Variants in MCF2L observed in about 807,000 individuals in gnomAD.
The protein encoded by MCF2L is guanine nucleotide exchange factor DBS.
A neutral mutation model predicts 153.4 loss-of-function variants in MCF2L; 97 were observed. The ratio of observed to expected loss-of-function variants is 0.63; its 90% confidence interval spans 0.54 to 0.75. The LOEUF (loss-of-function observed/expected upper bound fraction) is 0.75, where lower values mean the gene tolerates loss of function less well. Among genes scored for constraint, MCF2L ranks in the 30% least tolerant of loss-of-function variants. The probability of loss-of-function intolerance (pLI) is 0.00; values close to 1 mark genes in which losing one functional copy is unlikely to be tolerated. For missense variants in MCF2L, 1,347 were observed against 1,495.2 expected, an observed-to-expected ratio of 0.90 and a Z score of 1.64; for synonymous variants, 659 against 632.2, an observed-to-expected ratio of 1.04 and a Z score of -0.64.
At chr13:112,895,874 C>T (rs539412523) in intron 1 of MCF2L, among the ~76,000 whole-genome samples, 76 of 152,194 alleles carry the variant, frequency 5.0e-4, no homozygotes, top group Non-Finnish European at 4.6e-4. Flanking sequence ...CCGGTGTCCC[C>T]GATTTCACCG....
chr13:112,901,856 C>T (rs2081122479), intron 1 of MCF2L, among the ~76,000 whole-genome samples: 1 of 152,198 alleles, frequency 6.6e-6, no homozygotes, highest in Non-Finnish European at 1.5e-5. Flanking sequence ...ACCTGGAGAA[C>T]TAGGGACGTC....
At chr13:112,922,979 C>T (rs2081367675) in intron 2 of MCF2L, among the ~76,000 whole-genome samples, 1 of 152,194 alleles carries the variant, frequency 6.6e-6, no homozygotes, top group African/African-American at 2.4e-5. Context: ...AAATGCGGTG[C>T]CTCTTTATGT....
chr13:112,962,705 C>T (rs956181397), intron 2 of MCF2L, among the ~76,000 whole-genome samples: 24 of 152,208 alleles, frequency 1.6e-4, no homozygotes, highest in Non-Finnish European at 3.1e-4. Context: ...CTCCCGGGAC[C>T]TCCCCCCAGG....
intron 2 of MCF2L, among the ~76,000 whole-genome samples, chr13:112,930,303 T>C (rs1042797881): frequency 6.6e-6 from 1 of 152,184 alleles, no homozygotes; most frequent in African/African-American, 2.4e-5. Flanking sequence ...CAGTATGTCA[T>C]TCAGTAGATG....
intron 3 of MCF2L, chr13:113,026,872 C>T (rs754113519): frequency 6.1e-5 from 45 of 739,382 alleles, no homozygotes; most frequent in African/African-American, 1.9e-4. Flanking sequence ...TCCCCAGCGG[C>T]GGGCAGGAGA....
chr13:113,082,489 C>T lies in MCF2L; in HGVS notation c.1938C>T (p.Asn646=). The T allele has an allele frequency of 6.2e-7, 1 of 1,614,042 alleles. No homozygotes were observed. ...ACCTCCTGTCAACAGGCCTTCACAA[C>T]AAGAAGGATGTTTTGTTTGGAAACA... ...MAHLLSTGLH[N]KKDVLFGNME... The change falls in exon 17 of 30, where the codon AAC becomes AAT. Residue 646 remains asparagine (N), a synonymous_variant. Coordinates refer to ENST00000535094, the MANE Select transcript of MCF2L (RefSeq NM_001112732.3).
chr13:112,998,713 AGG>A (rs1251470937), intron 1 of MCF2L, among the ~76,000 whole-genome samples: 4 of 152,076 alleles, frequency 2.6e-5, no homozygotes, highest in African/African-American at 9.7e-5. Flanking sequence ...CGCCGATTGG[AGG>A]CCTCTGCTGT....
In MCF2L at chr13:113,088,605, C is replaced by T. The variant is rs149724257; in HGVS notation, c.2811C>T (p.Pro937=). 166 of 1,608,482 alleles carry T rather than the reference C, an allele frequency of 1.0e-4. 1 individual carries two copies. The highest frequency in any genetic ancestry group is 1.3e-4 in the Non-Finnish European group (153 of 1,179,876). ...CGCTGGAGCAGTCACAGAGCCTGCCCCTGCCGGCCCCGACCAGCACCAGGT... is the reference window on the plus strand; with the variant it reads ...CGCTGGAGCAGTCACAGAGCCTGCCTCTGCCGGCCCCGACCAGCACCAGGT... ...HRALEQSQSL[P]LPAPTSTSPS... Residue 937 remains proline (P), a synonymous_variant, in exon 25 of 30, where the codon CCC becomes CCT. Transcript: ENST00000535094.
intron 3 of MCF2L, among the ~76,000 whole-genome samples, chr13:113,030,355 A>C (rs1218689337): frequency 1.6e-5 from 2 of 123,268 alleles, no homozygotes; most frequent in Non-Finnish European, 3.2e-5. Context: ...GTGGACTCTC[A>C]GGTGTCCGCT....
At chr13:112,916,181 C>T (rs2081290167) in intron 2 of MCF2L, among the ~76,000 whole-genome samples, 1 of 152,208 alleles carries the variant, frequency 6.6e-6, no homozygotes, top group South Asian at 2.1e-4. Flanking sequence ...ATACTCTAGC[C>T]TGGGGACAGG....
At chr13:112,991,190 C>G (rs886194632) in intron 1 of MCF2L, among the ~76,000 whole-genome samples, 6 of 152,222 alleles carry the variant, frequency 3.9e-5, no homozygotes, top group Admixed American at 3.9e-4. Flanking sequence ...TCTGCGAAAT[C>G]CGGCCGCCTG....
upstream of MCF2L, among the ~76,000 whole-genome samples, chr13:112,966,324 T>G (rs990191549): frequency 7.2e-5 from 11 of 152,202 alleles, no homozygotes; most frequent in African/African-American, 1.2e-4. This position sits in a 1 kb window ranked among gnomAD's most constrained non-coding sequence, Gnocchi z 4.1. Context: ...CAGGGGCAGC[T>G]GGGGACTGGG....
At position 113,075,083 on chromosome 13, in the gene MCF2L, C is replaced by T. The variant is rs1234881787; in HGVS notation, c.1202C>T (p.Pro401Leu). The change falls in exon 11 of 30, where the codon CCA becomes CTA. Residue 401 changes from proline (P) to leucine (L), a missense_variant. Transcript: ENST00000535094. ...CACTACGCGGTAGACTCCATCCGCC[C>T]AAAGTGCCAGGAGCTCCGGCACCTC... ...NKHYAVDSIRPKCQELRHLCD... is the reference protein window; with the variant it reads ...NKHYAVDSIRLKCQELRHLCD... The T allele has an allele frequency of 1.2e-6, 2 of 1,613,726 alleles. No homozygotes were observed. Among genetic ancestry groups the T allele is most frequent in the Non-Finnish European group, 1.7e-6 (2 of 1,180,026 alleles).
In MCF2L at chr13:113,029,220, GT is replaced by G. The variant is rs1210260235; in HGVS notation, c.278+4463del. Among the ~76,000 whole-genome samples the G allele has an allele frequency of 7.9e-5, 12 of 152,318 alleles. No homozygotes were observed. The East Asian group carries it at 1.7e-3, about 22-fold the overall frequency. On this transcript the variant is annotated intron_variant, in intron 3 of 29. Transcript: ENST00000535094. ...TGTAAGAGCCACCTGTCCCCTGGCT[GT>G]CCCGGCATCCTAGGGCGCAGCAGCC... is the stretch of plus-strand genomic sequence containing the variant.
At position 113,031,959 on chromosome 13, in the gene MCF2L, T is replaced by TGC. The variant is rs2085753681; in HGVS notation, c.278+7204_278+7205dup. On this transcript the variant is annotated intron_variant, in intron 3 of 29. Transcript: ENST00000535094. The surrounding 1 kb of genome is among the most constrained non-coding windows in gnomAD (Gnocchi z 5.5). ...ATGTGCATGTGTATAACCACACACG[T>TGC]GCGCACACACACACATGCAAGTGCA... 6.6e-6 allele frequency among the ~76,000 whole-genome samples: 1 copy of TGC among 151,866 alleles called. No homozygotes were observed.
intron 2 of MCF2L, among the ~76,000 whole-genome samples, chr13:112,945,869 C>A (rs1409502581): frequency 6.6e-6 from 1 of 152,178 alleles, no homozygotes; most frequent in African/African-American, 2.4e-5. Context: ...AGGAGGGGCC[C>A]ATGGAGAGAT....
In MCF2L at chr13:112,904,609, C is replaced by T. The variant is rs923830068; in HGVS notation, c.169+2238C>T. ...CCCAGGGCTGGCTTTACCAAGAAAGCCCTTTAGGCAGCTTCCCTCCAACCC... is the reference window on the plus strand; with the variant it reads ...CCCAGGGCTGGCTTTACCAAGAAAGTCCTTTAGGCAGCTTCCCTCCAACCC... On this transcript the variant is annotated intron_variant, in intron 2 of 29. Coordinates refer to the MCF2L transcript ENST00000375608. The surrounding 1 kb of genome is among the most constrained non-coding windows in gnomAD (Gnocchi z 4.2). Among the ~76,000 whole-genome samples, 1 of 152,262 alleles carries T rather than the reference C, an allele frequency of 6.6e-6. No individual in the cohort carries two copies. Among genetic ancestry groups the T allele is most frequent in the African/African-American group, 2.4e-5 (1 of 41,474 alleles).
At chr13:112,933,055 T>C (rs2081479393) in intron 2 of MCF2L, among the ~76,000 whole-genome samples, 1 of 151,416 alleles carries the variant, frequency 6.6e-6, no homozygotes, top group Non-Finnish European at 1.5e-5. Context: ...AATAAATAAA[T>C]AAACATGAAG....
At chr13:113,069,683 A>T (rs1281266101) in intron 8 of MCF2L, among the ~76,000 whole-genome samples, 2 of 152,246 alleles carry the variant, frequency 1.3e-5, no homozygotes. Context: ...CCGAGACTGC[A>T]CCACTGCACC....
Sources: allele counts gnomAD v4.1 joint callset (sites outside exome capture counted in the v4.1 genomes callset), GRCh38; gene constraint gnomAD v4.1.1; non-coding constraint Gnocchi (gnomAD v3.1); transcripts MANE v1.5; gene names NCBI Gene and HGNC (gene_info 2026-07-23, HGNC 2026-07-21).